The following TMEM140 variants were observed in gnomAD, a reference collection of about 807,000 sequenced individuals.
TMEM140 encodes the protein transmembrane protein 140.
For synonymous variants in TMEM140, 107 were observed against 106.8 expected (o/e 1.00, Z -0.01); for missense variants, 236 against 228.5 (o/e 1.03, Z -0.21).
chr7:135,155,778 G>A (rs139500655), intron 1 of TMEM140, among the ~76,000 whole-genome samples: 209 of 152,334 alleles, frequency 1.4e-3, no homozygotes, highest in Non-Finnish European at 2.5e-3. Flanking sequence ...TTGAGCCCAC[G>A]AGGTCAAGGC....
At chr7:135,162,214 C>T (rs1829959652) in intron 1 of TMEM140, among the ~76,000 whole-genome samples, 1 of 152,192 alleles carries the variant, frequency 6.6e-6, no homozygotes, top group Non-Finnish European at 1.5e-5. Context: ...AGCTGTTCCC[C>T]CAGAGGGGTC....
At position 135,165,436 on chromosome 7, in the gene TMEM140, C is replaced by CA. The variant is rs1037104564; in HGVS notation, c.*438dup. On this transcript the variant is annotated 3_prime_UTR_variant, in exon 2 of 2. Coordinates refer to ENST00000275767, the MANE Select transcript of TMEM140 (RefSeq NM_018295.5). Reference sequence around the variant, plus strand: ...GAGGACATTAAAAGAGCGAGCACCTCAGTGTCTCTGGGGACATGGTTAAGG... The same window carrying CA: ...GAGGACATTAAAAGAGCGAGCACCTCAAGTGTCTCTGGGGACATGGTTAAGG... 5.6e-6 allele frequency: 1 copy of CA among 177,954 alleles called. No individual in the cohort carries two copies. Among genetic ancestry groups the CA allele is most frequent in the Non-Finnish European group, 1.3e-5 (1 of 74,226 alleles). 11.0% of individuals were successfully genotyped at this position (177,954 alleles called of 1,614,324 possible).
intron 1 of TMEM140, among the ~76,000 whole-genome samples, chr7:135,163,132 T>A (rs1829989713): frequency 6.6e-6 from 1 of 152,228 alleles, no homozygotes; most frequent in African/African-American, 2.4e-5. Context: ...GTGTAATGGA[T>A]GATCCCACAT....
chr7:135,150,087 A>G (rs1399929205), intron 1 of TMEM140, among the ~76,000 whole-genome samples: 1 of 152,042 alleles, frequency 6.6e-6, no homozygotes, highest in Non-Finnish European at 1.5e-5. Context: ...TTTCCAGATC[A>G]TTGATTTTTT....
intron 1 of TMEM140, among the ~76,000 whole-genome samples, chr7:135,150,931 T>C (rs1829653115): frequency 6.6e-6 from 1 of 152,234 alleles, no homozygotes; most frequent in Admixed American, 6.5e-5. Flanking sequence ...CTCTAAACTT[T>C]TTGTAATCTT....
chr7:135,151,863 G>A lies in TMEM140; in HGVS notation c.-25+3593G>A, dbSNP rs1274831412. ...CCCATGCTCCTTACCACCACACTGT[G>A]CTACCTCTCAACAGGCAGCTGCATC... On this transcript the variant is annotated intron_variant, in intron 1 of 1. Transcript: ENST00000275767. This position sits in a 1 kb window ranked among gnomAD's most constrained non-coding sequence, Gnocchi z 4.3. Among the ~76,000 whole-genome samples, 1 of 152,166 alleles carries A rather than the reference G, an allele frequency of 6.6e-6. No individual in the cohort carries two copies. The highest frequency in any genetic ancestry group is 6.5e-5 in the Admixed American group (1 of 15,280).
intron 1 of TMEM140, 114 bp from the exon 2 acceptor site, chr7:135,164,304 A>C: frequency 1.2e-6 from 1 of 813,550 alleles, no homozygotes; most frequent in Non-Finnish European, 1.9e-6. Flanking sequence ...AGGGCAGGGT[A>C]GGAGGGAAAC....
Position 135,161,071 on chromosome 7 carries a change from G to A in TMEM140, c.-24-3347G>A, listed in dbSNP as rs1031354225. Among the ~76,000 whole-genome samples the A allele has an allele frequency of 5.9e-5, 9 of 152,192 alleles. No homozygotes were observed. Among genetic ancestry groups the A allele is most frequent in the African/African-American group, 1.7e-4 (7 of 41,448 alleles). ...GAATTCCAAGTTCAAGTTCCAAGTC[G>A]CACCAGATGATGGCGAGCCTCATAA... On this transcript the variant is annotated intron_variant, in intron 1 of 1. Coordinates refer to ENST00000275767, the MANE Select transcript of TMEM140 (RefSeq NM_018295.5). The surrounding 1 kb of genome is among the most constrained non-coding windows in gnomAD (Gnocchi z 4.1).
intron 1 of TMEM140, among the ~76,000 whole-genome samples, chr7:135,162,718 G>T (rs2117468487): frequency 6.6e-6 from 1 of 152,298 alleles, no homozygotes; most frequent in Admixed American, 6.5e-5. Flanking sequence ...GGGGATTATG[G>T]GAGCTATAAT....
chr7:135,154,236 T>C (rs1024079871), intron 1 of TMEM140, among the ~76,000 whole-genome samples: 2 of 152,314 alleles, frequency 1.3e-5, no homozygotes, highest in African/African-American at 4.8e-5. Context: ...TTAATCTAGC[T>C]AGTGGTTTAT....
At chr7:135,155,661 G>C (rs546126000) in intron 1 of TMEM140, among the ~76,000 whole-genome samples, 2 of 152,164 alleles carry the variant, frequency 1.3e-5, no homozygotes, top group South Asian at 4.1e-4. Context: ...GACCAACCGG[G>C]GCAAAATAGC....
At chr7:135,149,815 C>G (rs1829627238) in intron 1 of TMEM140, among the ~76,000 whole-genome samples, 1 of 151,998 alleles carries the variant, frequency 6.6e-6, no homozygotes, top group African/African-American at 2.4e-5. Flanking sequence ...TGAATTATCT[C>G]TTCATATTTG....
intron 1 of TMEM140, among the ~76,000 whole-genome samples, chr7:135,150,847 C>G (rs1345235161): frequency 1.3e-5 from 2 of 152,182 alleles, no homozygotes; most frequent in Non-Finnish European, 2.9e-5. Context: ...CAGAGCAAGA[C>G]TGTCTCAAAC....
intron 1 of TMEM140, among the ~76,000 whole-genome samples, chr7:135,163,393 G>C (rs1052419299): frequency 6.6e-6 from 1 of 152,136 alleles, no homozygotes; most frequent in Non-Finnish European, 1.5e-5. Context: ...TGTAATCCCA[G>C]CACTTTGGGA....
At chr7:135,164,001 T>C (rs566944464) in intron 1 of TMEM140, among the ~76,000 whole-genome samples, 1 of 152,352 alleles carries the variant, frequency 6.6e-6, no homozygotes, top group South Asian at 2.1e-4. Context: ...AACCAATAGC[T>C]TCCTCCACCT....
rs746257221 is a variant in TMEM140, at chr7:135,155,912, G to A, written c.-25+7642G>A. On this transcript the variant is annotated intron_variant, in intron 1 of 1. Coordinates refer to ENST00000275767, the MANE Select transcript of TMEM140 (RefSeq NM_018295.5). The stretch of plus-strand genomic sequence containing the variant: ...TTTAAGATCCTTTTGAGCATTTCCT[G>A]TAGTACCAGTCTAGTGGTGACAAAT... Among the ~76,000 whole-genome samples, 322 of 152,180 alleles carry A rather than the reference G, an allele frequency of 2.1e-3. 1 individual carries two copies. Among genetic ancestry groups the A allele is most frequent in the Non-Finnish European group, 3.3e-3 (223 of 68,024 alleles).
chr7:135,158,453 T>C (rs974060690), intron 1 of TMEM140, among the ~76,000 whole-genome samples: 2 of 152,100 alleles, frequency 1.3e-5, no homozygotes, highest in African/African-American at 2.4e-5. Flanking sequence ...GTAAGCAGCA[T>C]TGGCAACAAG....
At chr7:135,158,251 C>A (rs1383155670) in intron 1 of TMEM140, among the ~76,000 whole-genome samples, 1 of 152,216 alleles carries the variant, frequency 6.6e-6, no homozygotes, top group East Asian at 1.9e-4. Flanking sequence ...GTCTCAACAG[C>A]AGCATGTTGC....
At chr7:135,153,485 A>C (rs554038363) in intron 1 of TMEM140, among the ~76,000 whole-genome samples, 1 of 151,834 alleles carries the variant, frequency 6.6e-6, no homozygotes, top group East Asian at 1.9e-4. Context: ...AAGTCTAAAA[A>C]CTCTAAAAAC....
Sources: allele counts gnomAD v4.1 joint callset (sites outside exome capture counted in the v4.1 genomes callset), GRCh38; gene constraint gnomAD v4.1.1; non-coding constraint Gnocchi (gnomAD v3.1); transcripts MANE v1.5; gene names NCBI Gene and HGNC (gene_info 2026-07-23, HGNC 2026-07-21).